Variants in SLC11A2 observed in about 807,000 individuals in gnomAD.
The protein encoded by SLC11A2 is natural resistance-associated macrophage protein 2.
A neutral mutation model predicts 68.0 loss-of-function variants in SLC11A2; 38 were observed. The ratio of observed to expected loss-of-function variants is 0.56; its 90% CI spans 0.43 to 0.73. SLC11A2 has a LOEUF of 0.73. Ranked by LOEUF, SLC11A2 falls within the 30% of genes least tolerant of loss-of-function variation. The probability of loss-of-function intolerance (pLI) is 0.00; values close to 1 mark genes in which losing one functional copy is unlikely to be tolerated. For synonymous variants in SLC11A2, 242 were observed against 250.6 expected (o/e 0.97, Z 0.32); for missense variants, 517 against 690.5 (o/e 0.75, Z 2.82).
the SLC11A2 span, among the ~76,000 whole-genome samples, chr12:50,965,980 A>G: frequency 6.6e-6 from 1 of 152,146 alleles, no homozygotes; most frequent in Non-Finnish European, 1.5e-5. Context: ...TGTTCACCAA[A>G]CCTAGAGCTT....
the SLC11A2 span, among the ~76,000 whole-genome samples, chr12:50,967,515 G>T: frequency 3.9e-5 from 6 of 152,118 alleles, no homozygotes; most frequent in African/African-American, 1.4e-4. Context: ...GACCTCAAGC[G>T]AACTCCCACC....
chr12:50,966,754 A>G, the SLC11A2 span, among the ~76,000 whole-genome samples: 2 of 152,144 alleles, frequency 1.3e-5, no homozygotes. Flanking sequence ...CATTTCATTT[A>G]TGTCTGCCAC....
downstream of SLC11A2, chr12:50,980,213 A>G: frequency 3.6e-6 from 1 of 275,618 alleles, no homozygotes; most frequent in Non-Finnish European, 7.2e-6. Flanking sequence ...GCAACAGAGC[A>G]AGACCCTGTC....
chr12:51,000,541 G>A, intron 5 of SLC11A2, 122 bp from the exon 6 acceptor site: 2 of 749,538 alleles, frequency 2.7e-6, no homozygotes, highest in Admixed American at 2.0e-5. Context: ...CTCCAGACTA[G>A]AGAAGAAATA....
intron 3 of SLC11A2, chr12:51,005,757 A>G (rs1366066263): frequency 1.2e-5 from 15 of 1,210,342 alleles, no homozygotes. Flanking sequence ...TTTAAAAAGG[A>G]AACAAGCCAG....
chr12:50,957,888 G>GA, the SLC11A2 span, among the ~76,000 whole-genome samples: 4 of 144,918 alleles, frequency 2.8e-5, no homozygotes, highest in South Asian at 2.2e-4. Context: ...CCTGTCTGAA[G>GA]AAAAAAAACA....
chr12:50,959,177 T>C, the SLC11A2 span, among the ~76,000 whole-genome samples: 2 of 152,000 alleles, frequency 1.3e-5, no homozygotes, highest in South Asian at 2.1e-4. Flanking sequence ...AAGAGTGCAA[T>C]GGTGCAATCT....
intron 1 of SLC11A2, chr12:51,025,615 G>T: frequency 2.9e-6 from 1 of 341,130 alleles, no homozygotes; most frequent in Non-Finnish European, 4.2e-6. Flanking sequence ...TTAAGCGGTA[G>T]CTTTAAAAGT....
Position 50,988,056 on chromosome 12 carries a change from G to A in SLC11A2, c.*269C>T. ...CGAAGGATAAACTGAGCTGGCCCTT[G>A]GGCAACTACTTAAGAATTTAGTGTT... is the stretch of plus-strand genomic sequence containing the variant. On this transcript the variant is annotated 3_prime_UTR_variant, in exon 16 of 16. Coordinates refer to ENST00000262052, the MANE Select transcript of SLC11A2 (RefSeq NM_000617.3). The A allele has an allele frequency of 1.4e-6, 2 of 1,403,142 alleles. No individual in the cohort carries two copies. Among genetic ancestry groups the A allele is most frequent in the South Asian group, 2.4e-5 (2 of 82,018 alleles). 86.9% of individuals were successfully genotyped at this position (1,403,142 alleles called of 1,614,324 possible). A position where few individuals can be genotyped will look rare whatever the true frequency, so the allele number is the denominator to read the frequency against.
intron 5 of SLC11A2, among the ~76,000 whole-genome samples, chr12:51,002,319 G>A (rs1592367606): frequency 6.6e-6 from 1 of 152,098 alleles, no homozygotes; most frequent in Admixed American, 6.6e-5. Context: ...CTGAACTCTA[G>A]TCTGGGTAAT....
chr12:50,996,908 C>T lies in SLC11A2; in HGVS notation c.740G>A (p.Gly247Asp), dbSNP rs764487553. 3.1e-6 allele frequency: 5 copies of T among 1,613,940 alleles called. No homozygotes were observed. The Admixed American group carries it at 8.3e-5, about 27-fold the overall frequency. The change falls in exon 9 of 16, where the codon GGC becomes GAC. Residue 247 changes from glycine (G) to aspartate (D), a missense_variant. Transcript: ENST00000262052. ...LKGMFVPSCS[G>D]CRTPQIEQAV... ...CTGTTCAATCTGTGGAGTGCGACAG[C>T]CTGAACAGGATGGTACGAACATGCC...
chr12:51,012,636 C>T (rs1943324929), intron 1 of SLC11A2, among the ~76,000 whole-genome samples: 1 of 152,190 alleles, frequency 6.6e-6, no homozygotes, highest in African/African-American at 2.4e-5. Context: ...TATAGAATTA[C>T]AGAATTCAGA....
rs1294169751 is a variant in SLC11A2, at chr12:51,008,481, C to T, written c.178G>A (p.Glu60Lys). The change falls in exon 3 of 16, where the codon GAG becomes AAG. Residue 60 changes from glutamate (E) to lysine (K), a missense_variant. By Grantham distance (56) the Glu-to-Lys change is moderately conservative. Coordinates refer to ENST00000262052, the MANE Select transcript of SLC11A2 (RefSeq NM_000617.3). ...TCCAAGGACCTGATACTAACCTCCT[C>T]CTCAGGAATGGAGATCTTCTCATTA... is the stretch of plus-strand genomic sequence containing the variant. ...YFNEKISIPE[E>K]EYSCFSFRKL... The T allele has an allele frequency of 4.3e-6, 7 of 1,613,192 alleles. No individual in the cohort carries two copies. Among genetic ancestry groups the T allele is most frequent in the Non-Finnish European group, 5.9e-6 (7 of 1,179,278 alleles).
the SLC11A2 span, among the ~76,000 whole-genome samples, chr12:50,961,308 T>C: frequency 7.2e-5 from 11 of 152,130 alleles, no homozygotes; most frequent in Non-Finnish European, 1.0e-4. Flanking sequence ...TGACAAAACC[T>C]ATGGTAGAAA....
chr12:50,985,605 T>C (rs1940463689), downstream of SLC11A2, among the ~76,000 whole-genome samples: 1 of 152,184 alleles, frequency 6.6e-6, no homozygotes, highest in East Asian at 1.9e-4. Flanking sequence ...TCTCTTCAAA[T>C]ACTAATTTTT....
chr12:50,960,305 G>A, the SLC11A2 span, among the ~76,000 whole-genome samples: 1 of 152,198 alleles, frequency 6.6e-6, no homozygotes, highest in African/African-American at 2.4e-5. Context: ...AGGAAGAGAA[G>A]AGTAAAGCCA....
chr12:51,003,274 A>G (rs1188937561), intron 5 of SLC11A2, among the ~76,000 whole-genome samples: 1 of 151,962 alleles, frequency 6.6e-6, no homozygotes, highest in Non-Finnish European at 1.5e-5. Context: ...ACGGTGGCTC[A>G]TGCCTGTAAT....
chr12:51,003,183 T>A (rs1942422882), intron 5 of SLC11A2, among the ~76,000 whole-genome samples: 1 of 151,956 alleles, frequency 6.6e-6, no homozygotes, highest in Non-Finnish European at 1.5e-5. Flanking sequence ...TGCAGTGAGC[T>A]GAGATCACGC....
the SLC11A2 span, among the ~76,000 whole-genome samples, chr12:50,962,232 T>TACACACAC: frequency 5.4e-3 from 784 of 146,292 alleles, 8 homozygotes; most frequent in African/African-American, 0.019. Context: ...CTAAAAAAAT[T>TACACACAC]ACACACACAC....
Sources: allele counts gnomAD v4.1 joint callset (sites outside exome capture counted in the v4.1 genomes callset), GRCh38; gene constraint gnomAD v4.1.1; transcripts MANE v1.5; gene names NCBI Gene and HGNC (gene_info 2026-07-23, HGNC 2026-07-21).